The following GLOD4 variants were observed in gnomAD, a reference collection of about 807,000 sequenced individuals.
GLOD4 encodes the protein glyoxalase domain containing 4.
A neutral mutation model predicts 39.1 loss-of-function variants in GLOD4; 44 were observed. The ratio of observed to expected loss-of-function variants is 1.13; its 90% confidence interval spans 0.88 to 1.45. GLOD4 has a LOEUF of 1.45. Among genes scored for constraint, GLOD4 ranks in the 40% most tolerant of loss-of-function variants. The pLI is 0.00. For missense variants in GLOD4, 405 were observed against 366.4 expected (o/e 1.11, Z -0.86); for synonymous variants, 145 against 135.0 (o/e 1.07, Z -0.52).
At position 772,001 on chromosome 17, in the gene GLOD4, A is replaced by G. The variant is rs1478440951; in HGVS notation, c.407-540T>C. 2.6e-4 allele frequency among the ~76,000 whole-genome samples: 36 copies of G among 139,146 alleles called. No individual in the cohort carries two copies. The South Asian group carries it at 3.2e-3, about 13-fold the overall frequency. The allele number at this position is 139,146 out of a possible 152,430, so 91.3% of individuals were successfully genotyped here. ...GCACTCTAGCCTGGGAGACAAGAGCAAAACTCTGTCTCAAAAAAAAAAAAA... is the reference window on the plus strand; with the variant it reads ...GCACTCTAGCCTGGGAGACAAGAGCGAAACTCTGTCTCAAAAAAAAAAAAA... On this transcript the variant is annotated intron_variant, in intron 4 of 8. Transcript: ENST00000301329.
At chr17:773,862 C>T (rs371776056) in intron 4 of GLOD4, among the ~76,000 whole-genome samples, 3 of 152,238 alleles carry the variant, frequency 2.0e-5, no homozygotes, top group East Asian at 1.9e-4. Flanking sequence ...AGGAAGTTAA[C>T]GCGTGGGTGA....
At chr17:772,615 A>G (rs1423978763) in intron 4 of GLOD4, among the ~76,000 whole-genome samples, 1 of 152,202 alleles carries the variant, frequency 6.6e-6, no homozygotes. Context: ...TATCAATAGG[A>G]AAAGAATGAA....
In GLOD4 at chr17:775,636, C is replaced by T. The variant is rs372576435; in HGVS notation, c.406+139G>A. On this transcript the variant is annotated intron_variant, in intron 4 of 8. Coordinates refer to ENST00000301329, the MANE Select transcript of GLOD4 (RefSeq NM_016080.4). The stretch of plus-strand genomic sequence containing the variant: ...TTCTGATATGAGAATGTAGTCTCTC[C>T]GATAACAGGTAAAAGCACTGGCTGG... The T allele has an allele frequency of 1.2e-3, 809 of 675,456 alleles. 9 individuals are homozygous for T. Among genetic ancestry groups the T allele is most frequent in the South Asian group, 0.011 (593 of 55,028 alleles). 41.8% of individuals were successfully genotyped at this position (675,456 alleles called of 1,614,324 possible). A position where few individuals can be genotyped will look rare whatever the true frequency, so the allele number is the denominator to read the frequency against.
chr17:760,526 A>G (rs1171355955), intron 8 of GLOD4, among the ~76,000 whole-genome samples: 1 of 152,218 alleles, frequency 6.6e-6, no homozygotes, highest in Non-Finnish European at 1.5e-5. Context: ...GCCTGTAGCC[A>G]GGAAGTGTGG....
intron 2 of GLOD4, 43 bp from the exon 3 acceptor site, chr17:777,031 C>A: frequency 6.3e-7 from 1 of 1,599,530 alleles, no homozygotes; most frequent in South Asian, 1.1e-5. Context: ...ACAGACAAGT[C>A]AGCCTCAGGC....
chr17:768,664 G>C (rs192899369), intron 8 of GLOD4, among the ~76,000 whole-genome samples: 2 of 137,584 alleles, frequency 1.5e-5, no homozygotes, highest in Non-Finnish European at 3.1e-5. Context: ...TGGAGAGGAC[G>C]TGAGAGGGAG....
intron 8 of GLOD4, among the ~76,000 whole-genome samples, chr17:762,463 ATAATT>A (rs1273243275): frequency 2.2e-4 from 33 of 150,930 alleles, no homozygotes; most frequent in Non-Finnish European, 3.8e-4. Context: ...ATGAAGGGGA[ATAATT>A]TCATCACCAT....
intron 1 of GLOD4, among the ~76,000 whole-genome samples, chr17:781,007 G>A (rs907599476): frequency 2.2e-5 from 3 of 136,702 alleles, no homozygotes; most frequent in South Asian, 2.5e-4. Flanking sequence ...TGCAACCTCC[G>A]CCTCCCAGAT....
upstream of GLOD4, chr17:783,298 C>G: frequency 6.2e-7 from 1 of 1,613,742 alleles, no homozygotes; most frequent in South Asian, 1.1e-5. Context: ...AAGGATTGGT[C>G]CGACCTCGTA....
chr17:765,214 G>A (rs1906304802), intron 8 of GLOD4: 1 of 150,790 alleles, frequency 6.6e-6, no homozygotes, highest in Admixed American at 6.8e-5. Flanking sequence ...CTGGGAAAAT[G>A]GTCTGTATTC....
intron 4 of GLOD4, among the ~76,000 whole-genome samples, chr17:773,568 TAAA>T (rs1432915042): frequency 1.6e-4 from 25 of 152,094 alleles, no homozygotes; most frequent in Admixed American, 1.6e-3. Flanking sequence ...GATTATTTTG[TAAA>T]AAGAATAAAA....
chr17:760,451 G>T (rs1278487195), intron 8 of GLOD4, among the ~76,000 whole-genome samples: 1 of 152,148 alleles, frequency 6.6e-6, no homozygotes, highest in East Asian at 1.9e-4. Context: ...GTTCAATAAG[G>T]CAAGAGATAC....
chr17:761,847 G>A, intron 8 of GLOD4, among the ~76,000 whole-genome samples: 1 of 152,166 alleles, frequency 6.6e-6, no homozygotes, highest in East Asian at 1.9e-4. Context: ...AGTAAAAGAG[G>A]AGAGGGAAAA....
intron 4 of GLOD4, among the ~76,000 whole-genome samples, chr17:772,944 C>A (rs553401436): frequency 3.3e-5 from 5 of 150,908 alleles, no homozygotes; most frequent in Non-Finnish European, 5.9e-5. Context: ...GCAGTGAGCC[C>A]AGAGCGCGCC....
intron 4 of GLOD4, among the ~76,000 whole-genome samples, chr17:772,793 A>T (rs527454704): frequency 6.6e-6 from 1 of 152,274 alleles, no homozygotes; most frequent in African/African-American, 2.4e-5. Context: ...CAGGAGATAG[A>T]GACCATCCTG....
At chr17:772,203 A>C (rs901968945) in intron 4 of GLOD4, among the ~76,000 whole-genome samples, 35 of 151,162 alleles carry the variant, frequency 2.3e-4, no homozygotes, top group Non-Finnish European at 4.1e-4. Context: ...AAAAAAAAAA[A>C]AAAAAACAAA....
chr17:776,464 A>G (rs1413696071), intron 3 of GLOD4, among the ~76,000 whole-genome samples: 2 of 152,164 alleles, frequency 1.3e-5, no homozygotes, highest in Non-Finnish European at 2.9e-5. Context: ...CGCATCCTAT[A>G]GTCCACCCCC....
chr17:767,039 T>C (rs1906700908), intron 8 of GLOD4, among the ~76,000 whole-genome samples: 1 of 152,276 alleles, frequency 6.6e-6, no homozygotes. Context: ...ATACATTGCC[T>C]GCTTTAACGT....
chr17:762,829 C>T (rs534550276), intron 8 of GLOD4, among the ~76,000 whole-genome samples: 4 of 152,218 alleles, frequency 2.6e-5, no homozygotes, highest in African/African-American at 4.8e-5. Context: ...TTCTTAGCCT[C>T]GGTTTCCTCA....
Sources: gnomAD v4.1 joint callset for allele counts (sites outside exome capture counted in the v4.1 genomes callset) on GRCh38, gnomAD v4.1.1 for gene constraint, MANE v1.5 for transcripts, NCBI Gene and HGNC (gene_info 2026-07-23, HGNC 2026-07-21) for gene names.